RIT1: variants seen among roughly 807,000 people sequenced by gnomAD.
RIT1 encodes GTP-binding protein Rit1.
Under a neutral mutation model 25.6 loss-of-function variants are expected in RIT1, and 6 were observed. That is an observed-to-expected ratio of 0.23 (90% CI 0.13 to 0.46). The LOEUF (loss-of-function observed/expected upper bound fraction) is 0.46. Ranked by LOEUF, RIT1 falls within the 20% of genes least tolerant of loss-of-function variation. RIT1 has a pLI of 0.99. For synonymous variants in RIT1, 81 were observed against 94.1 expected (o/e 0.86, Z 0.80); for missense variants, 219 against 284.4 (o/e 0.77, Z 1.65).
chr1:155,904,164 A>G lies in RIT1; in HGVS notation c.429+147T>C, dbSNP rs958024800. On this transcript the variant is annotated intron_variant, in intron 5 of 5. Coordinates refer to ENST00000368323, the MANE Select transcript of RIT1 (RefSeq NM_006912.6). The stretch of plus-strand genomic sequence containing the variant: ...AGCAACCTGCCCACCTTGGCCCCGC[A>G]AAGTACTGGTGTGAGCCACCTCACC... 10 of 602,146 alleles carry G rather than the reference A, an allele frequency of 1.7e-5. No homozygotes were observed. The Admixed American group carries it at 2.4e-4, about 14-fold the overall frequency. The allele number at this position is 602,146 out of a possible 1,614,324, so 37.3% of individuals were successfully genotyped here.
chr1:155,904,843 T>C (rs1673402939), intron 3 of RIT1, 39 bp from the exon 4 acceptor site: 2 of 1,391,318 alleles, frequency 1.4e-6, no homozygotes, highest in East Asian at 4.6e-5. Flanking sequence ...AAGTCATAAA[T>C]GCCGGAAGAA....
intron 3 of RIT1, among the ~76,000 whole-genome samples, chr1:155,909,697 G>GCA (rs1673541759): frequency 6.6e-6 from 1 of 152,046 alleles, no homozygotes; most frequent in Non-Finnish European, 1.5e-5. Flanking sequence ...TGAGGTGGAT[G>GCA]GATTACTTGA....
intron 5 of RIT1, among the ~76,000 whole-genome samples, chr1:155,902,617 G>T (rs931865808): frequency 2.7e-5 from 4 of 149,996 alleles, no homozygotes; most frequent in Non-Finnish European, 1.5e-5. Flanking sequence ...CAAGGTAGGT[G>T]GATCACCTGA....
Position 155,910,256 on chromosome 1 carries a change from A to G in RIT1, c.163+194T>C. 8.5e-6 allele frequency: 5 copies of G among 585,834 alleles called. No individual in the cohort carries two copies. The South Asian group carries it at 1.1e-4, about 12-fold the overall frequency. The allele number at this position is 585,834 out of a possible 1,614,324, so 36.3% of individuals were successfully genotyped here. ...ATGTTCAGTAAGAGACAAAGACTAA[A>G]GATGGCTTATGACATAAAGTCTGAA... On this transcript the variant is annotated intron_variant, in intron 3 of 5. Coordinates refer to ENST00000368323, the MANE Select transcript of RIT1 (RefSeq NM_006912.6).
At chr1:155,904,160 C>T in intron 5 of RIT1, 151 bp downstream of exon 5, 1 of 594,078 alleles carries the variant, frequency 1.7e-6, no homozygotes, top group Non-Finnish European at 3.0e-6. Flanking sequence ...CACCTTGGCC[C>T]CGCAAAGTAC....
At chr1:155,907,996 A>C (rs1673485982) in intron 3 of RIT1, among the ~76,000 whole-genome samples, 1 of 152,010 alleles carries the variant, frequency 6.6e-6, no homozygotes, top group Non-Finnish European at 1.5e-5. Flanking sequence ...AGCCTGAGGC[A>C]GGAGAATGGC....
chr1:155,910,113 TCA>T (rs1673559576), intron 3 of RIT1: 2 of 212,392 alleles, frequency 9.4e-6, no homozygotes, highest in East Asian at 1.2e-4. Context: ...ACCAGCTGAC[TCA>T]CAGTTACAGA....
rs760827833 is a variant in RIT1, at chr1:155,900,404, T to C, written c.644A>G (p.Lys215Arg). ...ATCTTCTCTTCAAGTTACTGAATCT[T>C]TCTTCTTCCGGAATGGTGATTTTAG... ...KRLKSPFRKKKDSVT is the reference protein window; with the variant it reads ...KRLKSPFRKKRDSVT The change falls in exon 6 of 6, where the codon AAA (lysine) becomes AGA (arginine). Residue 215 changes from lysine to arginine, a missense_variant. Around this residue, in one of 3 missense-constraint regions of RIT1, gnomAD observed 81 missense variants for 83.8 expected, o/e 0.97. Transcript: ENST00000368323. 1 of 1,613,424 alleles carries C rather than the reference T, an allele frequency of 6.2e-7. No homozygotes were observed. Among genetic ancestry groups the C allele is most frequent in the South Asian group, 1.1e-5 (1 of 91,068 alleles).
At position 155,910,480 on chromosome 1, in the gene RIT1, G is replaced by C. The variant is rs1316625491; in HGVS notation, c.133C>G (p.Arg45Gly). ...GTGGGATCATGATCTTCTGGGAATC[G>C]GTGGCTGATGAACTGCATGGTCATG... ...SAMTMQFISH[R>G]FPEDHDPTIE... The change falls in exon 3 of 6, where the codon CGA (arginine) becomes GGA (glycine). Residue 45 changes from arginine (R) to glycine (G), a missense_variant. Arg to Gly is a moderately radical substitution (Grantham distance 125). This residue lies in a region of RIT1 where 131 missense variants were observed against 173.6 expected (regional missense o/e 0.75). Transcript: ENST00000368323. 8 of 1,613,964 alleles carry C rather than the reference G, an allele frequency of 5.0e-6. No homozygotes were observed. The highest frequency in any genetic ancestry group is 6.8e-6 in the Non-Finnish European group (8 of 1,179,946).
chr1:155,907,084 G>C (rs537721320), intron 3 of RIT1, among the ~76,000 whole-genome samples: 1 of 151,740 alleles, frequency 6.6e-6, no homozygotes, highest in Admixed American at 6.6e-5. Flanking sequence ...CTCCAGCATG[G>C]GCAACAGAGT....
rs1256081384 is a variant in RIT1 at position 155,898,539 on chromosome 1, ATATATC to A, written c.*1843_*1848del. ...AAAAAATATATATATATATATATAT[ATATATC>A]TCTTAATGTTAATAACAATTCCCTA... On this transcript the variant is annotated 3_prime_UTR_variant, in exon 6 of 6. Transcript: ENST00000368323. 0.017 allele frequency: 2,171 copies of A among 128,468 alleles called. 41 individuals carry two copies. The highest frequency in any genetic ancestry group is 0.023 in the East Asian group (87 of 3,810). 8.0% of individuals were successfully genotyped at this position (128,468 alleles called of 1,614,324 possible).
chr1:155,903,417 C>T (rs1212538479), intron 5 of RIT1, among the ~76,000 whole-genome samples: 2 of 137,200 alleles, frequency 1.5e-5, no homozygotes, highest in East Asian at 2.1e-4. Context: ...TGTGCCACTG[C>T]ACTCCAGCCA....
Position 155,899,763 on chromosome 1 carries a change from ACTT to A in RIT1, c.*622_*624del, listed in dbSNP as rs1200640934. The A allele has an allele frequency of 9.0e-6, 2 of 221,852 alleles. No individual in the cohort carries two copies. Among genetic ancestry groups the A allele is most frequent in the Non-Finnish European group, 1.8e-5 (2 of 110,972 alleles). The allele number at this position is 221,852 out of a possible 1,614,324, so 13.7% of individuals were successfully genotyped here. A position where few individuals can be genotyped will look rare whatever the true frequency, so the allele number is the denominator to read the frequency against. ...CCCGGTGAATTTGGGCCAAATGTGT[ACTT>A]CTTAGAAAAGCGAAGCTTGTACTGA... On this transcript the variant is annotated 3_prime_UTR_variant, in exon 6 of 6. Coordinates refer to ENST00000368323, the MANE Select transcript of RIT1 (RefSeq NM_006912.6).
chr1:155,910,942 C>A (rs1459734586), intron 1 of RIT1, 138 bp from the exon 2 acceptor site: 3 of 1,513,514 alleles, frequency 2.0e-6, no homozygotes, highest in African/African-American at 1.5e-5. Context: ...ACCACTGCAC[C>A]CTTTCGGGTG....
chr1:155,901,312 C>A (rs1673307369), intron 5 of RIT1, among the ~76,000 whole-genome samples: 1 of 152,112 alleles, frequency 6.6e-6, no homozygotes, highest in East Asian at 1.9e-4. Flanking sequence ...CCAAGCTGGG[C>A]AATATGGTGA....
At chr1:155,909,004 G>A (rs963872915) in intron 3 of RIT1, among the ~76,000 whole-genome samples, 5 of 151,968 alleles carry the variant, frequency 3.3e-5, no homozygotes, top group South Asian at 2.1e-4. Context: ...TTGGCTTTGC[G>A]GGAAACAGAG....
At chr1:155,906,130 A>G (rs540016055) in intron 3 of RIT1, among the ~76,000 whole-genome samples, 1 of 149,850 alleles carries the variant, frequency 6.7e-6, no homozygotes, top group African/African-American at 2.5e-5. Flanking sequence ...CACCCGGTCT[A>G]ACTGACTATT....
At position 155,904,733 on chromosome 1, in the gene RIT1, G is replaced by C. The variant is rs1673398956; in HGVS notation, c.235C>G (p.Gln79Glu). 1 of 1,607,406 alleles carries C rather than the reference G, an allele frequency of 6.2e-7. No individual in the cohort carries two copies. Among genetic ancestry groups the C allele is most frequent in the Non-Finnish European group, 8.5e-7 (1 of 1,174,052 alleles). Residue 79 changes from glutamine (Q) to glutamate (E), a missense_variant and splice_region_variant, in exon 4 of 6, where the codon CAG becomes GAG. This residue lies in a region of RIT1 where 131 missense variants were observed against 173.6 expected (regional missense o/e 0.75). Transcript: ENST00000368323. ...CATAACATTCTGGGATTTAATACCTGTCCAGCTGTATCCAAAATGTCCAGA... is the reference window on the plus strand; with the variant it reads ...CATAACATTCTGGGATTTAATACCTCTCCAGCTGTATCCAAAATGTCCAGA... The part of the protein sequence containing the change: ...ANLDILDTAG[Q>E]AEFTAMRDQY...
chr1:155,910,997 C>A, intron 1 of RIT1, 193 bp from the exon 2 acceptor site: 3 of 1,264,388 alleles, frequency 2.4e-6, no homozygotes, highest in South Asian at 1.3e-5. Context: ...CTAGACAGTT[C>A]AGTCACATGA....
Sources: allele counts gnomAD v4.1 joint callset (sites outside exome capture counted in the v4.1 genomes callset), GRCh38; gene constraint gnomAD v4.1.1; regional missense constraint gnomAD v4.1.1; transcripts MANE v1.5; gene names NCBI Gene and HGNC (gene_info 2026-07-23, HGNC 2026-07-21).